The following CCDC7 variants were observed in gnomAD, a reference collection of about 807,000 sequenced individuals.
The protein encoded by CCDC7 is coiled-coil domain containing 7, also known as coiled-coil domain-containing protein 7.
Under a neutral mutation model 196.9 loss-of-function variants are expected in CCDC7, and 183 were observed. The observed-to-expected ratio is 0.93, with a 90% CI of 0.82 to 1.05. The LOEUF (loss-of-function observed/expected upper bound fraction) is 1.05. CCDC7 is among the 50% of genes least tolerant of loss of function. The probability of loss-of-function intolerance (pLI) is 0.00; values close to 1 mark genes in which losing one functional copy is unlikely to be tolerated. For synonymous variants in CCDC7, 525 were observed against 484.6 expected, an observed-to-expected ratio of 1.08 and a Z score of -1.10; for missense variants, 1,540 against 1,482.2, an observed-to-expected ratio of 1.04 and a Z score of -0.64.
exon 15 of CCDC7, chr10:32,567,763 GGTAATA>G: frequency 6.2e-7 from 1 of 1,613,226 alleles, no homozygotes; most frequent in Non-Finnish European, 8.5e-7. Context: ...AATGCAAGTG[GGTAATA>G]GTCAAACAAA....
intron 31 of CCDC7, 63 bp downstream of exon 32, chr10:32,814,516 T>A: frequency 8.5e-7 from 1 of 1,174,554 alleles, no homozygotes; most frequent in Non-Finnish European, 1.3e-6. Context: ...GGAGTGTAAC[T>A]AAGTGTGCAT....
chr10:32,745,727 C>A (rs945386529), intron 28 of CCDC7, among the ~76,000 whole-genome samples: 1 of 152,116 alleles, frequency 6.6e-6, no homozygotes, highest in Non-Finnish European at 1.5e-5. Context: ...TTCATATAAA[C>A]TTTAGAATTA....
rs746235004 is a variant in CCDC7 at position 32,456,325 on chromosome 10, A to C, written c.447A>C (p.Glu149Asp). ...CTCAGCTAGAAGAAGCACTTAAAGAAGAACAAAATGTATGTATTCTGTATA... is the reference window on the plus strand; with the variant it reads ...CTCAGCTAGAAGAAGCACTTAAAGACGAACAAAATGTATGTATTCTGTATA... The change falls in exon 3 of 42, where the codon GAA becomes GAC. Residue 149 changes from glutamate (E) to aspartate (D), a missense_variant. By Grantham distance (45) the Glu-to-Asp change is conservative (BLOSUM62 2). Coordinates refer to ENST00000639629, the Ensembl canonical transcript of CCDC7. 16 of 1,571,438 alleles carry C rather than the reference A, an allele frequency of 1.0e-5. No individual in the cohort carries two copies. Among genetic ancestry groups the C allele is most frequent in the Admixed American group, 5.1e-5 (3 of 59,332 alleles).
At chr10:32,668,659 A>G (rs183933583) in intron 21 of CCDC7, among the ~76,000 whole-genome samples, 6,465 of 152,140 alleles carry the variant, frequency 0.042, 460 homozygotes, top group African/African-American at 0.15. Flanking sequence ...TTCTGTTTAT[A>G]TGCTGGATTA....
intron 30 of CCDC7, among the ~76,000 whole-genome samples, chr10:32,808,671 A>G (rs2086386503): frequency 7.2e-6 from 1 of 139,716 alleles, no homozygotes; most frequent in Admixed American, 7.5e-5. Flanking sequence ...GGGCCCAAGG[A>G]TAGGCATGCT....
intron 36 of CCDC7, 69 bp from the exon 38 acceptor site, chr10:32,846,305 AAC>A (rs1307994309): frequency 8.8e-5 from 78 of 887,746 alleles, no homozygotes; most frequent in Non-Finnish European, 5.4e-6. Flanking sequence ...TAATTAGTTA[AAC>A]ACACACGTAT....
chr10:32,777,949 T>A (rs1472716412), intron 28 of CCDC7, among the ~76,000 whole-genome samples: 1 of 152,198 alleles, frequency 6.6e-6, no homozygotes, highest in Non-Finnish European at 1.5e-5. Context: ...ATTAGTGATG[T>A]GGAGCATTTT....
At chr10:32,719,727 T>A (rs1437558773) in intron 25 of CCDC7, among the ~76,000 whole-genome samples, 1 of 152,200 alleles carries the variant, frequency 6.6e-6, no homozygotes, top group Non-Finnish European at 1.5e-5. Context: ...AACAGGCACT[T>A]TTCAAAAGAA....
intron 20 of CCDC7, among the ~76,000 whole-genome samples, chr10:32,637,443 C>T (rs2065859088): frequency 6.6e-6 from 1 of 152,190 alleles, no homozygotes; most frequent in African/African-American, 2.4e-5. Context: ...CAGCTTTCTC[C>T]ATATGGCTAG....
At chr10:32,497,459 C>G (rs1211414185) in intron 9 of CCDC7, among the ~76,000 whole-genome samples, 2 of 152,074 alleles carry the variant, frequency 1.3e-5, no homozygotes, top group Non-Finnish European at 2.9e-5. Flanking sequence ...GCTCTCGCTT[C>G]TCTTGTTCTT....
intron 6 of CCDC7, 148 bp downstream of exon 7, chr10:32,471,378 A>G: frequency 2.2e-6 from 2 of 926,236 alleles, no homozygotes; most frequent in South Asian, 2.1e-5. Flanking sequence ...TCTATTTGCA[A>G]TTTTAAATAA....
intron 18 of CCDC7, among the ~76,000 whole-genome samples, chr10:32,609,829 G>C (rs1271331125): frequency 6.6e-6 from 1 of 152,186 alleles, no homozygotes; most frequent in Non-Finnish European, 1.5e-5. Context: ...ACTCTGGCAT[G>C]TGATGGGCCT....
chr10:32,800,500 A>G (rs535009223), intron 29 of CCDC7, among the ~76,000 whole-genome samples: 1 of 152,280 alleles, frequency 6.6e-6, no homozygotes, highest in Non-Finnish European at 1.5e-5. Context: ...CCTGACCTCC[A>G]TAAGCCCCTA....
At chr10:32,625,083 C>G (rs1464596546) in intron 18 of CCDC7, among the ~76,000 whole-genome samples, 2 of 148,156 alleles carry the variant, frequency 1.3e-5, no homozygotes, top group Non-Finnish European at 3.0e-5. Context: ...GGTGTCCTAC[C>G]CAGAAAATCA....
chr10:32,623,088 G>A (rs1464248432), intron 18 of CCDC7, among the ~76,000 whole-genome samples: 1 of 152,004 alleles, frequency 6.6e-6, no homozygotes, highest in Non-Finnish European at 1.5e-5. Context: ...CTACATATCA[G>A]GAATGTTGAT....
chr10:32,786,963 G>C (rs961918527), intron 29 of CCDC7, among the ~76,000 whole-genome samples: 1 of 152,110 alleles, frequency 6.6e-6, no homozygotes, highest in Non-Finnish European at 1.5e-5. Flanking sequence ...CAGCAGATCT[G>C]AGCAGACGAA....
chr10:32,813,109 A>G (rs971193717), intron 30 of CCDC7, among the ~76,000 whole-genome samples: 1 of 152,098 alleles, frequency 6.6e-6, no homozygotes, highest in Non-Finnish European at 1.5e-5. Context: ...AACAACAACA[A>G]CAACAACAAC....
chr10:32,666,518 G>T (rs1762536), intron 21 of CCDC7, among the ~76,000 whole-genome samples: 1 of 148,182 alleles, frequency 6.7e-6, no homozygotes, highest in South Asian at 2.1e-4. Context: ...TAATGCTATC[G>T]GTCCCCCCTC....
exon 35 of CCDC7, chr10:32,845,583 T>G: frequency 6.2e-7 from 1 of 1,612,718 alleles, no homozygotes; most frequent in Non-Finnish European, 8.5e-7. Flanking sequence ...CTGGAAGAGG[T>G]CTAATGAAGG....
Sources: allele counts gnomAD v4.1 joint callset (sites outside exome capture counted in the v4.1 genomes callset), GRCh38; gene constraint gnomAD v4.1.1; transcripts MANE v1.5; gene names NCBI Gene and HGNC (gene_info 2026-07-23, HGNC 2026-07-21).